FSHR: variants seen among roughly 807,000 people sequenced by gnomAD.
FSHR encodes follicle-stimulating hormone receptor.
Under a neutral mutation model 52.1 loss-of-function variants are expected in FSHR, and 46 were observed. The observed-to-expected ratio is 0.88, with a 90% CI of 0.70 to 1.13. The LOEUF is 1.13. Ranked by LOEUF, FSHR falls within the 50% of genes most tolerant of loss-of-function variation. FSHR has a pLI of 0.00. For synonymous variants in FSHR, 399 were observed against 309.6 expected (o/e 1.29, Z -3.03); for missense variants, 964 against 834.6 (o/e 1.16, Z -1.91).
chr2:48,996,945 A>G (rs894878092), intron 4 of FSHR, among the ~76,000 whole-genome samples: 1 of 152,152 alleles, frequency 6.6e-6, no homozygotes, highest in African/African-American at 2.4e-5. Flanking sequence ...TATTAATTAC[A>G]GATCCTTCTT....
intron 1 of FSHR, among the ~76,000 whole-genome samples, chr2:49,122,435 C>T (rs947721819): frequency 6.6e-6 from 1 of 152,200 alleles, no homozygotes; most frequent in Admixed American, 6.5e-5. Flanking sequence ...GGTCTTCTTA[C>T]ACTTGTCTCT....
intron 2 of FSHR, among the ~76,000 whole-genome samples, chr2:49,026,927 C>T (rs1168800162): frequency 6.6e-6 from 1 of 152,092 alleles, no homozygotes; most frequent in African/African-American, 2.4e-5. Context: ...ATGAGGTGCC[C>T]TCTGAGACCA....
At chr2:49,134,234 C>G (rs1179026687) in intron 1 of FSHR, among the ~76,000 whole-genome samples, 1 of 152,048 alleles carries the variant, frequency 6.6e-6, no homozygotes, top group Non-Finnish European at 1.5e-5. Flanking sequence ...AAAAATCAAC[C>G]CCATCAAAAA....
At chr2:49,071,711 C>T (rs1019562979) in intron 1 of FSHR, among the ~76,000 whole-genome samples, 6 of 152,118 alleles carry the variant, frequency 3.9e-5, no homozygotes, top group African/African-American at 1.2e-4. Flanking sequence ...ACAAGAAACA[C>T]GGCATCAGCA....
At chr2:49,066,833 T>C (rs1285930361) in intron 2 of FSHR, among the ~76,000 whole-genome samples, 1 of 152,108 alleles carries the variant, frequency 6.6e-6, no homozygotes. Context: ...TTCTATGTAA[T>C]TATAGTGATG....
chr2:49,149,982 G>A (rs1032296460), intron 1 of FSHR, among the ~76,000 whole-genome samples: 2 of 151,970 alleles, frequency 1.3e-5, no homozygotes, highest in African/African-American at 4.8e-5. Context: ...ATCTGACCCT[G>A]CTGAAGAAAA....
intron 4 of FSHR, chr2:48,997,350 C>G: frequency 1.0e-6 from 1 of 985,116 alleles, no homozygotes; most frequent in Non-Finnish European, 1.2e-6. Flanking sequence ...AAACCAAACT[C>G]CTTAGTAATC....
chr2:49,003,013 C>T (rs1167925593), intron 4 of FSHR, among the ~76,000 whole-genome samples: 2 of 152,140 alleles, frequency 1.3e-5, no homozygotes, highest in African/African-American at 4.8e-5. Flanking sequence ...CTCTTCTTAG[C>T]ACTGCTATCT....
At position 49,023,601 on chromosome 2, in the gene FSHR, A is replaced by G. The variant is rs536984279; in HGVS notation, c.225-3441T>C. Among the ~76,000 whole-genome samples, 12 of 152,306 alleles carry G rather than the reference A, an allele frequency of 7.9e-5. No individual in the cohort carries two copies. In the South Asian group the frequency reaches 1.7e-3, roughly 21 times the overall value. ...CAAAAATATTTGGTCTGCTGACCAG[A>G]TAGTATCTGGATACCTTTATCCGTG... is the stretch of plus-strand genomic sequence containing the variant. On this transcript the variant is annotated intron_variant, in intron 2 of 9. Transcript: ENST00000406846.
intron 1 of FSHR, among the ~76,000 whole-genome samples, chr2:49,102,013 A>T (rs1671044412): frequency 6.6e-6 from 1 of 152,118 alleles, no homozygotes; most frequent in African/African-American, 2.4e-5. Context: ...ACTTCTCAAT[A>T]CTACCACATT....
chr2:48,971,709 A>G (rs1385175294), intron 8 of FSHR, among the ~76,000 whole-genome samples: 2 of 152,138 alleles, frequency 1.3e-5, no homozygotes, highest in Admixed American at 6.5e-5. Flanking sequence ...ATCTCCAACA[A>G]TGATTTTGGA....
At chr2:49,129,246 C>T (rs538145151) in intron 1 of FSHR, among the ~76,000 whole-genome samples, 35 of 152,258 alleles carry the variant, frequency 2.3e-4, no homozygotes, top group African/African-American at 7.7e-4. Flanking sequence ...CCTCACGTCA[C>T]CCATCAACAC....
chr2:49,100,786 A>T (rs577431497), intron 1 of FSHR, among the ~76,000 whole-genome samples: 32 of 152,304 alleles, frequency 2.1e-4, no homozygotes, highest in African/African-American at 7.7e-4. Flanking sequence ...TATCACTTGT[A>T]CCTGAAGGCA....
At chr2:49,062,612 C>T (rs552304992) in intron 2 of FSHR, among the ~76,000 whole-genome samples, 10 of 151,846 alleles carry the variant, frequency 6.6e-5, no homozygotes, top group South Asian at 2.1e-4. Context: ...AGGAAACAAC[C>T]GAGTGAAGAG....
intron 8 of FSHR, among the ~76,000 whole-genome samples, chr2:48,971,305 T>C (rs1311082011): frequency 6.6e-6 from 1 of 152,160 alleles, no homozygotes. Flanking sequence ...GGAGAATAGG[T>C]AAAAGTGCAA....
chr2:48,968,165 A>C (rs538921597), intron 9 of FSHR, among the ~76,000 whole-genome samples: 1 of 152,190 alleles, frequency 6.6e-6, no homozygotes, highest in Non-Finnish European at 1.5e-5. Context: ...CTTTCTTTGA[A>C]AGCCAAAGTA....
At chr2:48,990,456 A>T in intron 5 of FSHR, 110 bp downstream of exon 5, 1 of 803,956 alleles carries the variant, frequency 1.2e-6, no homozygotes, top group Non-Finnish European at 2.2e-6. Flanking sequence ...AACCCAGAGC[A>T]ATACATTTGG....
At chr2:48,977,689 T>C (rs1205038259) in intron 8 of FSHR, among the ~76,000 whole-genome samples, 1 of 152,230 alleles carries the variant, frequency 6.6e-6, no homozygotes, top group Non-Finnish European at 1.5e-5. Context: ...CTTGGCCAGA[T>C]GCATTACAGT....
intron 5 of FSHR, 60 bp downstream of exon 5, chr2:48,990,506 G>T: frequency 1.9e-6 from 2 of 1,069,744 alleles, no homozygotes; most frequent in Non-Finnish European, 2.9e-6. Flanking sequence ...GGCCCAGATA[G>T]CCGTTGGGCA....
Sources: gnomAD v4.1 joint callset for allele counts (sites outside exome capture counted in the v4.1 genomes callset) on GRCh38, gnomAD v4.1.1 for gene constraint, MANE v1.5 for transcripts, NCBI Gene and HGNC (gene_info 2026-07-23, HGNC 2026-07-21) for gene names.